Variants in NFASC observed in about 807,000 individuals in gnomAD.
The protein encoded by NFASC is neurofascin homolog.
Under a neutral mutation model 147.5 loss-of-function variants are expected in NFASC, and 43 were observed. That is an observed-to-expected ratio of 0.29 (90% CI 0.23 to 0.38). The LOEUF is 0.38. Ranked by LOEUF, NFASC falls within the 10% of genes least tolerant of loss-of-function variation. The probability of loss-of-function intolerance (pLI) is 1.00; values close to 1 mark genes in which losing one functional copy is unlikely to be tolerated. For synonymous variants in NFASC, 622 were observed against 665.5 expected (o/e 0.93, Z 1.01); for missense variants, 1,320 against 1,689.0 (o/e 0.78, Z 3.83).
rs1371896617 is a variant in NFASC at position 204,974,545 on chromosome 1, C to G, written c.1392-112C>G. The G allele has an allele frequency of 2.3e-6, 3 of 1,300,664 alleles. No homozygotes were observed. In the Admixed American group the frequency reaches 5.1e-5, roughly 22 times the overall value. The allele number at this position is 1,300,664 out of a possible 1,614,324, so 80.6% of individuals were successfully genotyped here. ...CTCCGAGGCTCAGGGCTCCAGTCTC[C>G]TAGCATGGGGCTCCTTCCACAGCCC... On this transcript the variant is annotated intron_variant, in intron 13 of 29. Coordinates refer to ENST00000339876, the MANE Select transcript of NFASC (RefSeq NM_001005388.3).
At chr1:205,011,924 C>T (rs1405799517) in intron 28 of NFASC, among the ~76,000 whole-genome samples, 2 of 151,632 alleles carry the variant, frequency 1.3e-5, no homozygotes, top group East Asian at 3.9e-4. Flanking sequence ...ACTAAAAATA[C>T]AAAAATGAGC....
chr1:205,002,826 TCTC>T, intron 27 of NFASC, 78 bp downstream of exon 27: 1 of 1,186,188 alleles, frequency 8.4e-7, no homozygotes, highest in African/African-American at 1.6e-5. Context: ...TGCTTGCCTC[TCTC>T]CTCGGAAAGA....
intron 1 of NFASC, among the ~76,000 whole-genome samples, chr1:204,851,592 C>G (rs569791787): frequency 6.6e-6 from 1 of 152,052 alleles, no homozygotes; most frequent in African/African-American, 2.4e-5. Flanking sequence ...CTCAGCCTCC[C>G]AAAGCGCTGG....
chr1:204,862,032 C>T (rs184447607), intron 1 of NFASC, among the ~76,000 whole-genome samples: 5 of 152,214 alleles, frequency 3.3e-5, no homozygotes, highest in Admixed American at 2.6e-4. Context: ...ATGTGCTGTC[C>T]TCTGAAACTG....
chr1:204,873,149 C>T (rs1229524754), intron 1 of NFASC, among the ~76,000 whole-genome samples: 1 of 113,012 alleles, frequency 8.8e-6, no homozygotes, highest in Admixed American at 8.2e-5. Flanking sequence ...AAATGTTCTT[C>T]CTTCCAGGCA....
chr1:204,862,979 C>T (rs1031582055), intron 1 of NFASC, among the ~76,000 whole-genome samples: 3 of 152,212 alleles, frequency 2.0e-5, no homozygotes, highest in Non-Finnish European at 4.4e-5. Flanking sequence ...GTGTGTTTGA[C>T]CTACTGGATG....
chr1:204,851,321 CTTTTCTTTTTTTTTTTT>C (rs1159336972), intron 1 of NFASC, among the ~76,000 whole-genome samples: 12 of 146,034 alleles, frequency 8.2e-5, no homozygotes, highest in Non-Finnish European at 3.0e-5. Context: ...ACAAATCATG[CTTTTCTTTTTTTTTTTT>C]TTTTCTTTTT....
chr1:204,987,247 G>C lies in NFASC; in HGVS notation c.2471-171G>C. 1 of 624,378 alleles carries C rather than the reference G, an allele frequency of 1.6e-6. No homozygotes were observed. Among genetic ancestry groups the C allele is most frequent in the South Asian group, 2.0e-5 (1 of 50,614 alleles). The allele number at this position is 624,378 out of a possible 1,614,324, so 38.7% of individuals were successfully genotyped here. A position where few individuals can be genotyped will look rare whatever the true frequency, so the allele number is the denominator to read the frequency against. On this transcript the variant is annotated intron_variant, in intron 21 of 29. Transcript: ENST00000339876. The surrounding 1 kb of genome is among the most constrained non-coding windows in gnomAD (Gnocchi z 4.4). ...CTGAAGGAAATAGCATCCTGGATGG[G>C]GCAATGGGCTCCGGTCGTCTCACGG...
intron 2 of NFASC, among the ~76,000 whole-genome samples, chr1:204,934,660 AAG>A (rs1026646085): frequency 6.6e-6 from 1 of 152,156 alleles, no homozygotes; most frequent in African/African-American, 2.4e-5. Context: ...TCTTTTTCAG[AAG>A]AGAGGGGAAA....
At chr1:204,890,898 G>A (rs935732267) in intron 1 of NFASC, among the ~76,000 whole-genome samples, 1 of 152,186 alleles carries the variant, frequency 6.6e-6, no homozygotes, top group Non-Finnish European at 1.5e-5. Context: ...GAAGTGGGTG[G>A]TAGAGGGAGT....
At chr1:205,014,917 A>G (rs769547285) in intron 29 of NFASC, among the ~76,000 whole-genome samples, 2 of 152,142 alleles carry the variant, frequency 1.3e-5, no homozygotes, top group Non-Finnish European at 2.9e-5. Context: ...GTTGGCAAAC[A>G]GTGACTTCCG....
rs769991793 is a variant in NFASC at position 204,968,914 on chromosome 1, G to T, written c.935G>T (p.Gly312Val). ...ACAAATGTCTCTGAGGAAGACTCCG[G>T]GGAGTATTTCTGCCTGGCCTCCAAC... ...RITNVSEEDS[G>V]EYFCLASNKM... Residue 312 changes from glycine (G) to valine (V), a missense_variant, in exon 10 of 30, where the codon GGG becomes GTG. Gly to Val is a moderately radical substitution (Grantham distance 109). Around this residue, in one of 3 missense-constraint regions of NFASC, gnomAD observed 981 missense variants for 1,289.5 expected, o/e 0.76. Coordinates refer to ENST00000339876, the MANE Select transcript of NFASC (RefSeq NM_001005388.3). The surrounding 1 kb of genome is among the most constrained non-coding windows in gnomAD (Gnocchi z 5.4). 2 of 1,614,014 alleles carry T rather than the reference G, an allele frequency of 1.2e-6. No individual in the cohort carries two copies. The highest frequency in any genetic ancestry group is 1.7e-6 in the Non-Finnish European group (2 of 1,180,002).
intron 1 of NFASC, among the ~76,000 whole-genome samples, chr1:204,845,313 C>T (rs1330368578): frequency 1.4e-5 from 2 of 141,756 alleles, no homozygotes; most frequent in Non-Finnish European, 3.0e-5. Context: ...AAAAAAATAG[C>T]TGGGCGTGAT....
chr1:204,918,662 T>G (rs1446388931), intron 1 of NFASC, among the ~76,000 whole-genome samples: 2 of 149,494 alleles, frequency 1.3e-5, no homozygotes, highest in African/African-American at 4.9e-5. Context: ...CTCAGCTCAC[T>G]GTAACCCCTG....
chr1:204,948,792 G>A (rs917466238), intron 3 of NFASC: 129 of 503,032 alleles, frequency 2.6e-4, no homozygotes, highest in African/African-American at 1.9e-3. Context: ...AGGCAAAGGA[G>A]GTCCCTTGTC....
At chr1:204,962,123 A>G in intron 8 of NFASC, 1 of 1,613,038 alleles carries the variant, frequency 6.2e-7, no homozygotes, top group Non-Finnish European at 8.5e-7. Context: ...CCTTATAATG[A>G]CTCGTCCTTA....
chr1:204,909,053 A>G (rs182786667), intron 1 of NFASC, among the ~76,000 whole-genome samples: 4 of 152,362 alleles, frequency 2.6e-5, no homozygotes, highest in Admixed American at 2.6e-4. Context: ...ACATTTATGT[A>G]CAGGTTTTTG....
In NFASC at chr1:204,975,252, G is replaced by T; in HGVS notation, c.1559-19G>T. ...GGCAGAGAACAGGCCAGTGGCGAGT[G>T]CTCTGGGCTTCTCCACAGACCCCAC... On this transcript the variant is annotated intron_variant, in intron 14 of 29. Coordinates refer to ENST00000339876, the MANE Select transcript of NFASC (RefSeq NM_001005388.3). This position sits in a 1 kb window ranked among gnomAD's most constrained non-coding sequence, Gnocchi z 4.0. The T allele has an allele frequency of 6.2e-7, 1 of 1,600,992 alleles. No homozygotes were observed. Among genetic ancestry groups the T allele is most frequent in the Non-Finnish European group, 8.5e-7 (1 of 1,171,768 alleles).
chr1:204,829,418 C>G (rs1490154125), intron 1 of NFASC, among the ~76,000 whole-genome samples: 1 of 152,046 alleles, frequency 6.6e-6, no homozygotes. Flanking sequence ...CGTCACCTTC[C>G]CTAGCTGCCC....
Sources: gnomAD v4.1 joint callset for allele counts (sites outside exome capture counted in the v4.1 genomes callset) on GRCh38, gnomAD v4.1.1 for gene constraint, gnomAD v4.1.1 regional missense constraint, Gnocchi (gnomAD v3.1) non-coding constraint, MANE v1.5 for transcripts, NCBI Gene and HGNC (gene_info 2026-07-23, HGNC 2026-07-21) for gene names.